Variants in SV2C observed in about 807,000 individuals in gnomAD.
SV2C encodes solute carrier family 22 member B3.
A neutral mutation model predicts 79.7 loss-of-function variants in SV2C; 49 were observed. The observed-to-expected ratio is 0.61, with a 90% confidence interval of 0.49 to 0.78. SV2C has a LOEUF of 0.78. SV2C is among the 30% of genes least tolerant of loss of function. The probability of loss-of-function intolerance (pLI) is 0.00; values close to 1 mark genes in which losing one functional copy is unlikely to be tolerated. For synonymous variants in SV2C, 334 were observed against 333.2 expected (o/e 1.00, Z -0.03); for missense variants, 833 against 912.9 (o/e 0.91, Z 1.13).
rs760268981 is a variant in SV2C, at chr5:76,132,028, A to G, written c.278A>G (p.Tyr93Cys). 1.2e-6 allele frequency: 2 copies of G among 1,612,726 alleles called. No homozygotes were observed. The highest frequency in any genetic ancestry group is 1.7e-6 in the Non-Finnish European group (2 of 1,179,404). Residue 93 changes from tyrosine to cysteine, a missense_variant, in exon 2 of 13, where the codon TAT becomes TGT. Physicochemically the swap from Tyr to Cys is radical, Grantham distance 194 (BLOSUM62 -2). Coordinates refer to ENST00000502798, the MANE Select transcript of SV2C (RefSeq NM_014979.4). Reference sequence around the variant, plus strand: ...GATGATGAGATCTATGAGGGGGAGTATCAGGGCATCCCCAGTATGAACCAA... The same window carrying G: ...GATGATGAGATCTATGAGGGGGAGTGTCAGGGCATCCCCAGTATGAACCAA... Reference protein sequence around the residue: ...DEDDEIYEGEYQGIPSMNQAK... With the variant: ...DEDDEIYEGECQGIPSMNQAK...
At chr5:76,209,996 A>C in intron 4 of SV2C, 109 bp downstream of exon 4, 1 of 1,289,918 alleles carries the variant, frequency 7.8e-7, no homozygotes, top group Non-Finnish European at 1.1e-6. Flanking sequence ...ACTACTCATC[A>C]TCATGTTTCT....
chr5:76,294,329 G>C (rs920081699), intron 8 of SV2C, among the ~76,000 whole-genome samples: 50 of 135,152 alleles, frequency 3.7e-4, no homozygotes, highest in Middle Eastern at 9.0e-3. Context: ...TTTTGATGGA[G>C]TCTCGCTCTT....
At chr5:75,866,341 G>A in the SV2C span, among the ~76,000 whole-genome samples, 1 of 152,084 alleles carries the variant, frequency 6.6e-6, no homozygotes, top group African/African-American at 2.4e-5. Flanking sequence ...TAGTTGTAAG[G>A]GATTCCTATG....
chr5:76,037,748 C>T, the SV2C span, among the ~76,000 whole-genome samples: 6 of 152,230 alleles, frequency 3.9e-5, no homozygotes, highest in African/African-American at 7.2e-5. Context: ...GGCAGGCAGG[C>T]CTCCTTGAGC....
At chr5:76,068,953 T>A in the SV2C span, among the ~76,000 whole-genome samples, 2 of 152,250 alleles carry the variant, frequency 1.3e-5, no homozygotes, top group Non-Finnish European at 2.9e-5. Context: ...ATCAGTGTAA[T>A]TAATACCATC....
chr5:76,129,467 A>G (rs1236418512), intron 1 of SV2C, among the ~76,000 whole-genome samples: 1 of 152,196 alleles, frequency 6.6e-6, no homozygotes, highest in East Asian at 1.9e-4. Flanking sequence ...AATTTTTTCA[A>G]AATTGGAATG....
chr5:76,219,891 T>C (rs1008093280), intron 4 of SV2C, among the ~76,000 whole-genome samples: 1 of 152,226 alleles, frequency 6.6e-6, no homozygotes, highest in African/African-American at 2.4e-5. Flanking sequence ...AAGGAAGTGA[T>C]GTCAGGCATT....
At chr5:75,952,252 T>TTCCG in the SV2C span, among the ~76,000 whole-genome samples, 2,846 of 77,882 alleles carry the variant, frequency 0.037, 61 homozygotes, top group Middle Eastern at 0.11. Context: ...TGCATTTTCC[T>TTCCG]TCCTTCCTTC....
At chr5:75,851,816 ATTTATT>A in the SV2C span, among the ~76,000 whole-genome samples, 7 of 152,174 alleles carry the variant, frequency 4.6e-5, no homozygotes, top group African/African-American at 1.7e-4. Context: ...CGCCAGGCTA[ATTTATT>A]TTTATTTTTA....
chr5:76,228,911 T>C (rs2112394027), intron 4 of SV2C, among the ~76,000 whole-genome samples: 1 of 152,300 alleles, frequency 6.6e-6, no homozygotes, highest in Non-Finnish European at 1.5e-5. Context: ...TGCCTCCAGA[T>C]ACCACAACCT....
the SV2C span, among the ~76,000 whole-genome samples, chr5:76,013,961 A>T: frequency 6.6e-6 from 1 of 152,144 alleles, no homozygotes. Context: ...TTGTTTATAC[A>T]TAAAGCATAT....
intron 4 of SV2C, among the ~76,000 whole-genome samples, chr5:76,275,380 G>A (rs912264081): frequency 5.9e-5 from 9 of 152,026 alleles, no homozygotes; most frequent in Admixed American, 3.3e-4. Context: ...CCAACTACTC[G>A]GGAGGCTGAG....
At chr5:76,041,692 G>A in the SV2C span, among the ~76,000 whole-genome samples, 1 of 152,152 alleles carries the variant, frequency 6.6e-6, no homozygotes, top group African/African-American at 2.4e-5. Context: ...TGGTCTGAAG[G>A]TGGTGGTGAG....
At chr5:75,952,167 C>G in the SV2C span, among the ~76,000 whole-genome samples, 1 of 151,780 alleles carries the variant, frequency 6.6e-6, no homozygotes, top group Admixed American at 6.6e-5. Context: ...AATGAAACAA[C>G]CCTGATCAAA....
the SV2C span, among the ~76,000 whole-genome samples, chr5:76,030,289 T>TTTTTTTTTTTTTTTTTTATTTA: frequency 5.1e-5 from 6 of 117,868 alleles, no homozygotes; most frequent in African/African-American, 2.3e-4. Flanking sequence ...TTTTTTTTTT[T>TTTTTTTTTTTTTTTTTTATTTA]TTTATTTATT....
In SV2C at chr5:76,257,180, A is replaced by T. The variant is rs138960908; in HGVS notation, c.914-27982A>T. Among the ~76,000 whole-genome samples the T allele has an allele frequency of 7.6e-3, 1,152 of 152,278 alleles. 21 individuals are homozygous for T. Among genetic ancestry groups the T allele is most frequent in the African/African-American group, 0.026 (1,076 of 41,536 alleles). ...ACTTATTAATCTTATTAATTAACAT[A>T]TATCTTATATATTAATCTTTATACT... is the stretch of plus-strand genomic sequence containing the variant. On this transcript the variant is annotated intron_variant, in intron 4 of 12. Coordinates refer to ENST00000502798, the MANE Select transcript of SV2C (RefSeq NM_014979.4).
At chr5:75,851,903 T>A in the SV2C span, among the ~76,000 whole-genome samples, 2 of 152,196 alleles carry the variant, frequency 1.3e-5, no homozygotes, top group African/African-American at 4.8e-5. Flanking sequence ...GACTTCATGA[T>A]CCATCCTCCT....
the SV2C span, among the ~76,000 whole-genome samples, chr5:75,905,241 T>C: frequency 6.6e-6 from 1 of 152,312 alleles, no homozygotes; most frequent in African/African-American, 2.4e-5. Flanking sequence ...TTTCATTTGC[T>C]TCCATCCAGG....
the SV2C span, among the ~76,000 whole-genome samples, chr5:76,035,267 C>T: frequency 6.6e-6 from 1 of 150,490 alleles, no homozygotes; most frequent in Non-Finnish European, 1.5e-5. Flanking sequence ...CTGCTCTGAT[C>T]TTAGTTATAT....
Sources: allele counts gnomAD v4.1 joint callset (sites outside exome capture counted in the v4.1 genomes callset), GRCh38; gene constraint gnomAD v4.1.1; transcripts MANE v1.5; gene names NCBI Gene and HGNC (gene_info 2026-07-23, HGNC 2026-07-21).